The following TANGO2 variants were observed in gnomAD, a reference collection of about 807,000 sequenced individuals.
TANGO2 encodes the protein transport and golgi organization 2 homolog.
Under a neutral mutation model 39.1 loss-of-function variants are expected in TANGO2, and 26 were observed. The observed-to-expected ratio is 0.67, with a 90% CI of 0.49 to 0.92. The LOEUF (loss-of-function observed/expected upper bound fraction) is 0.92. Among genes scored for constraint, TANGO2 ranks in the 40% least tolerant of loss-of-function variants. The probability of loss-of-function intolerance (pLI) is 0.00; values close to 1 mark genes in which losing one functional copy is unlikely to be tolerated. For synonymous variants in TANGO2, 131 were observed against 144.5 expected, an observed-to-expected ratio of 0.91 and a Z score of 0.67; for missense variants, 326 against 360.1, an observed-to-expected ratio of 0.91 and a Z score of 0.77.
intron 1 of TANGO2, 45 bp from the exon 2 acceptor site, chr22:20,036,715 G>C: frequency 6.5e-7 from 1 of 1,539,190 alleles, no homozygotes. Context: ...GGGCAGCCCT[G>C]AGTGTCTGCC....
At chr22:20,027,018 A>G (rs2146786453) in intron 1 of TANGO2, among the ~76,000 whole-genome samples, 1 of 152,190 alleles carries the variant, frequency 6.6e-6, no homozygotes, top group East Asian at 1.9e-4. Flanking sequence ...CGGTTCTGCA[A>G]GGTGCACAGG....
chr22:20,055,889 T>C, intron 5 of TANGO2, 54 bp from the exon 6 acceptor site: 1 of 1,476,426 alleles, frequency 6.8e-7, no homozygotes, highest in Non-Finnish European at 9.5e-7. Flanking sequence ...CCGGGCAGTG[T>C]CGGGGAGGAC....
intron 3 of TANGO2, among the ~76,000 whole-genome samples, chr22:20,052,130 G>A (rs2046445812): frequency 6.6e-6 from 1 of 152,220 alleles, no homozygotes; most frequent in African/African-American, 2.4e-5. Flanking sequence ...CCATTCATGC[G>A]ATTGGAGCCT....
chr22:20,059,492 T>C (rs1412540582), intron 6 of TANGO2, among the ~76,000 whole-genome samples: 1 of 152,212 alleles, frequency 6.6e-6, no homozygotes, highest in Non-Finnish European at 1.5e-5. Context: ...CATTATACAT[T>C]CCCACCAGCA....
At chr22:20,021,794 A>G (rs1029409101) in intron 1 of TANGO2, among the ~76,000 whole-genome samples, 4 of 152,184 alleles carry the variant, frequency 2.6e-5, no homozygotes, top group Admixed American at 2.6e-4. Context: ...GTTTTCCTCT[A>G]GGAAGTGGGC....
chr22:20,048,130 G>T (rs1391620820), intron 3 of TANGO2: 2 of 152,142 alleles, frequency 1.3e-5, no homozygotes, highest in African/African-American at 4.8e-5. Context: ...TCACCATGTT[G>T]GCCAGGCTGG....
chr22:20,058,099 A>C (rs572723666), intron 6 of TANGO2: 4 of 152,064 alleles, frequency 2.6e-5, no homozygotes, highest in African/African-American at 9.6e-5. Flanking sequence ...AAAGTGTATC[A>C]TTCAGTAGGT....
At chr22:20,050,403 G>C (rs1300588752) in intron 3 of TANGO2, among the ~76,000 whole-genome samples, 6 of 104,258 alleles carry the variant, frequency 5.8e-5, no homozygotes, top group Non-Finnish European at 8.7e-5. Context: ...TTGGTCTGTT[G>C]CCCAGGCTAG....
rs1458859403 is a variant in TANGO2, at chr22:20,066,668, C to T, written c.*2006C>T. Among the ~76,000 whole-genome samples the T allele has an allele frequency of 6.6e-6, 1 of 151,424 alleles. No homozygotes were observed. Among genetic ancestry groups the T allele is most frequent in the Non-Finnish European group, 1.5e-5 (1 of 67,656 alleles). ...TGAGGCCCCACATCCCATACGTGTC[C>T]TCTGAGTCAGGACAACAGGCTCCCG... On this transcript the variant is annotated 3_prime_UTR_variant, in exon 9 of 9. Transcript: ENST00000327374.
At chr22:20,056,324 C>A in intron 6 of TANGO2, 1 of 593,210 alleles carries the variant, frequency 1.7e-6, no homozygotes, top group Non-Finnish European at 3.2e-6. Flanking sequence ...CCCAGTGTGC[C>A]CTGTGCCTGT....
intron 8 of TANGO2, 179 bp downstream of exon 8, chr22:20,063,621 C>T (rs2048786230): frequency 9.9e-6 from 6 of 603,782 alleles, no homozygotes; most frequent in Admixed American, 3.3e-5. Context: ...CACAGGCTCC[C>T]GGGGCCCCAC....
At chr22:20,055,741 G>A (rs904898464) in intron 5 of TANGO2, 5 of 613,336 alleles carry the variant, frequency 8.2e-6, no homozygotes, top group East Asian at 2.7e-5. Flanking sequence ...GAACATACCC[G>A]TGATGCTGGA....
chr22:20,049,797 G>A (rs2147421213), intron 3 of TANGO2, among the ~76,000 whole-genome samples: 1 of 152,210 alleles, frequency 6.6e-6, no homozygotes, highest in Admixed American at 6.5e-5. Context: ...AAAACGAAAA[G>A]CCCCCTGGGA....
intron 7 of TANGO2, 76 bp from the exon 8 acceptor site, chr22:20,063,262 A>T: frequency 4.5e-6 from 6 of 1,331,408 alleles, no homozygotes; most frequent in Non-Finnish European, 6.4e-6. Flanking sequence ...TTAGGCCACC[A>T]GGTGGGCTGG....
intron 7 of TANGO2, among the ~76,000 whole-genome samples, chr22:20,062,778 T>C (rs924726391): frequency 3.4e-4 from 51 of 152,076 alleles, no homozygotes; most frequent in Admixed American, 4.6e-4. Flanking sequence ...AGCTCCACGA[T>C]TGAGTCATAA....
chr22:20,059,711 T>C (rs2048015169), intron 6 of TANGO2, among the ~76,000 whole-genome samples: 1 of 152,232 alleles, frequency 6.6e-6, no homozygotes, highest in African/African-American at 2.4e-5. Flanking sequence ...GACTGGGTTG[T>C]CTTTTTGAGT....
chr22:20,060,175 C>T (rs1027711893), intron 6 of TANGO2, among the ~76,000 whole-genome samples: 1 of 151,992 alleles, frequency 6.6e-6, no homozygotes, highest in African/African-American at 2.4e-5. Context: ...CGGTGAAACC[C>T]CGTCTCTACT....
At chr22:20,032,137 G>A (rs1448961351) in intron 1 of TANGO2, among the ~76,000 whole-genome samples, 3 of 152,236 alleles carry the variant, frequency 2.0e-5, no homozygotes, top group African/African-American at 7.2e-5. Context: ...CCTCCTTCCG[G>A]TTGGGGTTGG....
intron 6 of TANGO2, among the ~76,000 whole-genome samples, chr22:20,059,120 C>T (rs1602351494): frequency 6.6e-6 from 1 of 152,124 alleles, no homozygotes; most frequent in Admixed American, 6.6e-5. Flanking sequence ...GTGGTCTGGG[C>T]TGTCAAGAGT....
Sources: allele counts gnomAD v4.1 joint callset (sites outside exome capture counted in the v4.1 genomes callset), GRCh38; gene constraint gnomAD v4.1.1; transcripts MANE v1.5; gene names NCBI Gene and HGNC (gene_info 2026-07-23, HGNC 2026-07-21).